FGF14: variants seen among roughly 807,000 people sequenced by gnomAD.
The protein encoded by FGF14 is fibroblast growth factor homologous factor 4.
A neutral mutation model predicts 25.5 loss-of-function variants in FGF14; 5 were observed. That is an observed-to-expected ratio of 0.20 (90% CI 0.10 to 0.41). FGF14 has a LOEUF of 0.41. FGF14 is among the 10% of genes least tolerant of loss of function. The pLI is 1.00. For synonymous variants in FGF14, 138 were observed against 118.3 expected (o/e 1.17, Z -1.08); for missense variants, 222 against 320.1 (o/e 0.69, Z 2.34).
chr13:101,777,817 A>G (rs1252946724), intron 3 of FGF14, among the ~76,000 whole-genome samples: 1 of 152,058 alleles, frequency 6.6e-6, no homozygotes. Context: ...CGAAAAAATT[A>G]GTTGGGCATG....
intron 1 of FGF14, among the ~76,000 whole-genome samples, chr13:102,290,709 T>C (rs1383552030): frequency 6.6e-6 from 1 of 152,204 alleles, no homozygotes; most frequent in Non-Finnish European, 1.5e-5. Context: ...AGCTTTATTC[T>C]GGAGTAAGTG....
intron 1 of FGF14, among the ~76,000 whole-genome samples, chr13:101,934,264 T>C (rs2034957191): frequency 6.6e-6 from 1 of 152,210 alleles, no homozygotes; most frequent in South Asian, 2.1e-4. Context: ...TCGTACATTT[T>C]AGTACTACCT....
chr13:102,319,533 G>A (rs942409609), intron 1 of FGF14, among the ~76,000 whole-genome samples: 6 of 152,204 alleles, frequency 3.9e-5, no homozygotes, highest in African/African-American at 1.2e-4. Flanking sequence ...GGTGAGGCAT[G>A]GCCAGTGGGA....
Position 101,910,107 on chromosome 13 carries a change from G to T in FGF14, c.193+6346C>A, listed in dbSNP as rs543535416. On this transcript the variant is annotated intron_variant, in intron 1 of 4. Transcript: ENST00000376143. ...AGGGCCTGTTGTGGGGTGGGGGTAG[G>T]GGGGAGGGATAGCATTAGGAGATAT... Among the ~76,000 whole-genome samples, 272 of 152,052 alleles carry T rather than the reference G, an allele frequency of 1.8e-3. 3 individuals carry two copies. Among genetic ancestry groups the T allele is most frequent in the African/African-American group, 6.2e-3 (259 of 41,478 alleles).
At chr13:102,364,655 T>C (rs2057658357) in intron 1 of FGF14, among the ~76,000 whole-genome samples, 1 of 152,200 alleles carries the variant, frequency 6.6e-6, no homozygotes, top group South Asian at 2.1e-4. Flanking sequence ...GATTATACAA[T>C]GGCAGAGACA....
At chr13:102,110,369 A>C (rs1388800117) in intron 1 of FGF14, among the ~76,000 whole-genome samples, 1 of 152,128 alleles carries the variant, frequency 6.6e-6, no homozygotes, top group African/African-American at 2.4e-5. Context: ...ATCACCAAAA[A>C]ACGATGCACA....
Position 101,997,592 on chromosome 13 carries a change from G to A in FGF14, c.209-122296C>T, listed in dbSNP as rs115931728. ...AGGTCTAGAGGTTCTGATTCAGTAG[G>A]TCTGGGCCAGGTCCAAAAATTTACT... On this transcript the variant is annotated intron_variant, in intron 1 of 4. Coordinates refer to the FGF14 transcript ENST00000376131. Among the ~76,000 whole-genome samples the A allele has an allele frequency of 7.5e-3, 1,143 of 152,272 alleles. 16 individuals carry two copies. The highest frequency in any genetic ancestry group is 0.026 in the African/African-American group (1,071 of 41,552).
At chr13:101,967,219 ACTT>A (rs1237323899) in intron 1 of FGF14, among the ~76,000 whole-genome samples, 1 of 152,156 alleles carries the variant, frequency 6.6e-6, no homozygotes, top group African/African-American at 2.4e-5. Context: ...AATCAAAGTG[ACTT>A]CTTCTGTTGA....
intron 1 of FGF14, among the ~76,000 whole-genome samples, chr13:102,129,820 A>T (rs1256942905): frequency 6.6e-6 from 1 of 152,184 alleles, no homozygotes; most frequent in Non-Finnish European, 1.5e-5. Flanking sequence ...CATGTACCCT[A>T]AAAGTATAAT....
At position 101,985,604 on chromosome 13, in the gene FGF14, C is replaced by G. The variant is rs1401984382; in HGVS notation, c.209-110308G>C. Reference sequence around the variant, plus strand: ...ACATCTACTAAGGAAATGGCTTTTTCTTTGTTGTAAAAAAGAGTCTACGGT... The same window carrying G: ...ACATCTACTAAGGAAATGGCTTTTTGTTTGTTGTAAAAAAGAGTCTACGGT... On this transcript the variant is annotated intron_variant, in intron 1 of 4. Coordinates refer to the FGF14 transcript ENST00000376131. 2.6e-5 allele frequency among the ~76,000 whole-genome samples: 4 copies of G among 152,056 alleles called. No individual in the cohort carries two copies. The East Asian group carries it at 5.8e-4, about 22-fold the overall frequency.
intron 1 of FGF14, among the ~76,000 whole-genome samples, chr13:102,082,910 A>T (rs1232955853): frequency 6.6e-6 from 1 of 152,048 alleles, no homozygotes; most frequent in African/African-American, 2.4e-5. Flanking sequence ...GTGAGCCGAG[A>T]TCCCGCCACT....
chr13:101,993,358 T>A (rs192000203), intron 1 of FGF14, among the ~76,000 whole-genome samples: 1 of 152,098 alleles, frequency 6.6e-6, no homozygotes, highest in East Asian at 1.9e-4. Context: ...AACAAAGGTC[T>A]TAAGAGAGAA....
At chr13:101,896,375 C>G (rs79346234) in intron 1 of FGF14, among the ~76,000 whole-genome samples, 1 of 152,080 alleles carries the variant, frequency 6.6e-6, no homozygotes, top group African/African-American at 2.4e-5. Context: ...TCTATGCCCC[C>G]CACTCTGTAC....
At chr13:102,186,554 C>T (rs146943792) in intron 1 of FGF14, among the ~76,000 whole-genome samples, 23 of 152,252 alleles carry the variant, frequency 1.5e-4, no homozygotes, top group Admixed American at 5.2e-4. Context: ...CATTATTTCA[C>T]TGAAAGTAAG....
At position 101,837,674 on chromosome 13, in the gene FGF14, C is replaced by T. The variant is rs995559658; in HGVS notation, c.408+31051G>A. Among the ~76,000 whole-genome samples the T allele has an allele frequency of 3.3e-5, 5 of 152,074 alleles. No homozygotes were observed. The East Asian group carries it at 5.8e-4, about 18-fold the overall frequency. ...ACCTGGGGCCATGGCTAACAAACTC[C>T]TAAGTCAAACTTCCTTAAAATAATC... On this transcript the variant is annotated intron_variant, in intron 3 of 4. Coordinates refer to ENST00000376143, the MANE Select transcript of FGF14 (RefSeq NM_004115.4).
intron 1 of FGF14, among the ~76,000 whole-genome samples, chr13:101,956,049 C>T (rs1046497698): frequency 6.6e-6 from 1 of 152,136 alleles, no homozygotes; most frequent in Non-Finnish European, 1.5e-5. Flanking sequence ...AAGGAAGAAA[C>T]AAAGTGGTCT....
At chr13:102,385,366 T>A (rs116667682) in intron 1 of FGF14, among the ~76,000 whole-genome samples, 168 of 152,282 alleles carry the variant, frequency 1.1e-3, no homozygotes, top group African/African-American at 3.9e-3. Context: ...CTTACTTACT[T>A]ATGAGAAGAA....
intron 1 of FGF14, among the ~76,000 whole-genome samples, chr13:102,107,782 G>A (rs2044999521): frequency 6.6e-6 from 1 of 152,182 alleles, no homozygotes; most frequent in Non-Finnish European, 1.5e-5. Context: ...GGAATCGCAT[G>A]AGCAAAGGCA....
chr13:102,126,762 T>A (rs1003810204), intron 1 of FGF14, among the ~76,000 whole-genome samples: 1 of 152,184 alleles, frequency 6.6e-6, no homozygotes, highest in African/African-American at 2.4e-5. Context: ...TATGCCAGCA[T>A]CTCATCTAAT....
Sources: gnomAD v4.1 joint callset for allele counts (sites outside exome capture counted in the v4.1 genomes callset) on GRCh38, gnomAD v4.1.1 for gene constraint, MANE v1.5 for transcripts, NCBI Gene and HGNC (gene_info 2026-07-23, HGNC 2026-07-21) for gene names.